The following PXK variants were observed in gnomAD, a reference collection of about 807,000 sequenced individuals.
PXK encodes PX domain containing serine/threonine kinase like.
A neutral mutation model predicts 84.7 loss-of-function variants in PXK; 35 were observed. The observed-to-expected ratio is 0.41, with a 90% confidence interval of 0.32 to 0.55. PXK has a LOEUF of 0.55. Ranked by LOEUF, PXK falls within the 20% of genes least tolerant of loss-of-function variation. The probability of loss-of-function intolerance (pLI) is 0.21; values close to 1 mark genes in which losing one functional copy is unlikely to be tolerated. For missense variants in PXK, 634 were observed against 699.7 expected (o/e 0.91, Z 1.06); for synonymous variants, 253 against 260.8 (o/e 0.97, Z 0.29).
chr3:58,369,043 A>G (rs2108500085), intron 2 of PXK, among the ~76,000 whole-genome samples: 1 of 152,124 alleles, frequency 6.6e-6, no homozygotes, highest in East Asian at 1.9e-4. Context: ...AATGGCCTCA[A>G]AACTGTCCAT....
chr3:58,376,104 A>G (rs1242721629), intron 3 of PXK, among the ~76,000 whole-genome samples: 1 of 152,186 alleles, frequency 6.6e-6, no homozygotes, highest in African/African-American at 2.4e-5. Context: ...TGCTGGAGGA[A>G]GTTAATTCTT....
rs980522723 is a variant in PXK at position 58,399,658 on chromosome 3, C to T, written c.1181+281C>T. On this transcript the variant is annotated intron_variant, in intron 12 of 17. Transcript: ENST00000356151. This position sits in a 1 kb window ranked among gnomAD's most constrained non-coding sequence, Gnocchi z 4.3. ...TGTACGTACATTAGCATTGGGTGTG[C>T]GTATGTGTCGCAGCCCCCAGCTTAG... Among the ~76,000 whole-genome samples, 6 of 152,072 alleles carry T rather than the reference C, an allele frequency of 3.9e-5. No homozygotes were observed. In the East Asian group the frequency reaches 9.7e-4, roughly 24 times the overall value.
chr3:58,375,978 A>G (rs1255440309), intron 3 of PXK, among the ~76,000 whole-genome samples: 1 of 152,168 alleles, frequency 6.6e-6, no homozygotes, highest in Non-Finnish European at 1.5e-5. Flanking sequence ...AATAATAATT[A>G]TCTTGTTTTT....
chr3:58,380,929 A>G (rs1559996324), intron 3 of PXK, among the ~76,000 whole-genome samples: 1 of 152,102 alleles, frequency 6.6e-6, no homozygotes. Context: ...GGTTTCAAAA[A>G]AATGTATCTC....
chr3:58,412,985 C>T lies in PXK; in HGVS notation c.1528+22C>T, dbSNP rs749805001. ...TCAGGTTAGTGATGGAGTAAAGTGA[C>T]ATGCCACCTTCCTGTCCGCCAACAG... On this transcript the variant is annotated intron_variant, in intron 17 of 17. Transcript: ENST00000356151. The surrounding 1 kb of genome is among the most constrained non-coding windows in gnomAD (Gnocchi z 6.2). 6.2e-7 allele frequency: 1 copy of T among 1,612,716 alleles called. No homozygotes were observed. The highest frequency in any genetic ancestry group is 1.1e-5 in the South Asian group (1 of 91,036).
rs1361143722 is a variant in PXK, at chr3:58,370,728, G to A, written c.201+1250G>A. Among the ~76,000 whole-genome samples the A allele has an allele frequency of 5.3e-5, 8 of 152,258 alleles. No homozygotes were observed. The highest frequency in any genetic ancestry group is 4.1e-4 in the South Asian group (2 of 4,820). ...AAAATAAGCATTTGGGCCACACGTC[G>A]TGGCTCACTCCCGTAATCCCAGCAC... On this transcript the variant is annotated intron_variant, in intron 3 of 17. Coordinates refer to ENST00000356151, the MANE Select transcript of PXK (RefSeq NM_017771.5). This position sits in a 1 kb window ranked among gnomAD's most constrained non-coding sequence, Gnocchi z 4.2.
At chr3:58,346,253 A>G (rs2097816536) in intron 1 of PXK, among the ~76,000 whole-genome samples, 1 of 152,188 alleles carries the variant, frequency 6.6e-6, no homozygotes, top group African/African-American at 2.4e-5. Flanking sequence ...GGTGTGGCTC[A>G]TAAAAGTGGC....
chr3:58,401,575 G>A lies in PXK; in HGVS notation c.1181+2198G>A, dbSNP rs2058567559. On this transcript the variant is annotated intron_variant, in intron 12 of 17. Coordinates refer to ENST00000356151, the MANE Select transcript of PXK (RefSeq NM_017771.5). This position sits in a 1 kb window ranked among gnomAD's most constrained non-coding sequence, Gnocchi z 4.4. ...TAGGAATTTGAGGTTGCAGTGAGCTGTGAACTCACCACTGCACTCCAGCCT... is the reference window on the plus strand; with the variant it reads ...TAGGAATTTGAGGTTGCAGTGAGCTATGAACTCACCACTGCACTCCAGCCT... Among the ~76,000 whole-genome samples, 1 of 152,096 alleles carries A rather than the reference G, an allele frequency of 6.6e-6. No individual in the cohort carries two copies. The highest frequency in any genetic ancestry group is 1.5e-5 in the Non-Finnish European group (1 of 68,018).
Position 58,395,768 on chromosome 3 carries a change from T to C in PXK, c.822+9T>C. 1 of 1,589,774 alleles carries C rather than the reference T, an allele frequency of 6.3e-7. No homozygotes were observed. The highest frequency in any genetic ancestry group is 8.6e-7 in the Non-Finnish European group (1 of 1,161,338). The stretch of plus-strand genomic sequence containing the variant: ...GACGGCAAATATTAGAGGTAAGAGG[T>C]ACTTTTGTTTAAGTTGCATTCAGAT... On this transcript the variant is annotated intron_variant, in intron 9 of 17. Coordinates refer to ENST00000356151, the MANE Select transcript of PXK (RefSeq NM_017771.5).
intron 3 of PXK, among the ~76,000 whole-genome samples, chr3:58,373,962 G>A (rs918603097): frequency 2.7e-5 from 4 of 150,676 alleles, no homozygotes; most frequent in Admixed American, 2.0e-4. Context: ...GGAGAATGGC[G>A]TGAACCCAGG....
chr3:58,393,591 C>T (rs1418143808), intron 7 of PXK, among the ~76,000 whole-genome samples: 1 of 151,822 alleles, frequency 6.6e-6, no homozygotes, highest in Non-Finnish European at 1.5e-5. Context: ...CCTTAGTTTA[C>T]TCAATCTTCT....
rs1045201009 is a variant in PXK at position 58,422,630 on chromosome 3, G to A, written c.1529-2122G>A. On this transcript the variant is annotated intron_variant, in intron 17 of 17. Transcript: ENST00000356151. ...CCCTCAACTCCCAAACTCTGCGGTG[G>A]TGCATTTGCACTTCTAATTTTGAGG... 5.1e-6 allele frequency: 5 copies of A among 985,258 alleles called. No individual in the cohort carries two copies. In the East Asian group the frequency reaches 3.4e-4, roughly 67 times the overall value. The allele number at this position is 985,258 out of a possible 1,614,324, so 61.0% of individuals were successfully genotyped here. A position where few individuals can be genotyped will look rare whatever the true frequency, so the allele number is the denominator to read the frequency against.
intron 1 of PXK, among the ~76,000 whole-genome samples, chr3:58,347,932 G>A (rs1292156397): frequency 6.6e-6 from 1 of 151,838 alleles, no homozygotes; most frequent in Non-Finnish European, 1.5e-5. Flanking sequence ...TTGTTTTTTT[G>A]AGACTGAGTC....
At chr3:58,358,395 G>A (rs1417009547) in intron 1 of PXK, among the ~76,000 whole-genome samples, 3 of 152,166 alleles carry the variant, frequency 2.0e-5, no homozygotes, top group Non-Finnish European at 4.4e-5. Context: ...GGTATGGGTG[G>A]TGCCTTGGGG....
chr3:58,373,815 G>A (rs2098410380), intron 3 of PXK, among the ~76,000 whole-genome samples: 1 of 152,080 alleles, frequency 6.6e-6, no homozygotes, highest in Non-Finnish European at 1.5e-5. Context: ...GGAGGCCGAG[G>A]TGGGTGGATC....
intron 1 of PXK, among the ~76,000 whole-genome samples, chr3:58,362,317 A>G (rs919343839): frequency 6.6e-6 from 1 of 152,220 alleles, no homozygotes; most frequent in African/African-American, 2.4e-5. Context: ...TTTTCCTAAA[A>G]GTCTTACAGT....
At position 58,422,386 on chromosome 3, in the gene PXK, G is replaced by A. The variant is rs559761729; in HGVS notation, c.1529-2366G>A. The stretch of plus-strand genomic sequence containing the variant: ...CAGTGAGGAAAAGTGGACTTGCTGG[G>A]ACATCAAGCCCCACCGGACTGCTCC... On this transcript the variant is annotated intron_variant, in intron 17 of 17. Transcript: ENST00000356151. The A allele has an allele frequency of 1.6e-4, 156 of 985,312 alleles. No homozygotes were observed. The African/African-American group carries it at 2.5e-3, about 16-fold the overall frequency. The allele number at this position is 985,312 out of a possible 1,614,324, so 61.0% of individuals were successfully genotyped here.
At chr3:58,350,192 C>G (rs9821570) in intron 1 of PXK, among the ~76,000 whole-genome samples, 11,077 of 152,212 alleles carry the variant, frequency 0.073, 521 homozygotes, top group South Asian at 0.1. Flanking sequence ...TTCTTAACTG[C>G]CTAATGTACA....
rs2097526090 is a variant in PXK at position 58,333,177 on chromosome 3, G to A, written c.102+87G>A. ...GGCTGCCTGGCGCGGGCCGGGCAGG[G>A]TCGTCGGACGGAGACCGGGCCACAG... On this transcript the variant is annotated intron_variant, in intron 1 of 17. Coordinates refer to ENST00000356151, the MANE Select transcript of PXK (RefSeq NM_017771.5). The surrounding 1 kb of genome is among the most constrained non-coding windows in gnomAD (Gnocchi z 5.4). 2 of 791,150 alleles carry A rather than the reference G, an allele frequency of 2.5e-6. No homozygotes were observed. The highest frequency in any genetic ancestry group is 3.1e-6 in the Non-Finnish European group (2 of 647,090). 49.0% of individuals were successfully genotyped at this position (791,150 alleles called of 1,614,324 possible). A position where few individuals can be genotyped will look rare whatever the true frequency, so the allele number is the denominator to read the frequency against.
Sources: gnomAD v4.1 joint callset for allele counts (sites outside exome capture counted in the v4.1 genomes callset) on GRCh38, gnomAD v4.1.1 for gene constraint, Gnocchi (gnomAD v3.1) non-coding constraint, MANE v1.5 for transcripts, NCBI Gene and HGNC (gene_info 2026-07-23, HGNC 2026-07-21) for gene names.